The following AKAIN1 variants were observed in gnomAD, a reference collection of about 807,000 sequenced individuals.
AKAIN1 encodes A-kinase anchor inhibitor 1.
In AKAIN1, 3 loss-of-function variants were observed where a neutral mutation model predicts 3.7. The observed-to-expected ratio is 0.82, with a 90% confidence interval of 0.37 to 2.12. The LOEUF is 2.12. Ranked by LOEUF, AKAIN1 falls within the 30% of genes most tolerant of loss-of-function variation. The probability of loss-of-function intolerance (pLI) is 0.06; values close to 1 mark genes in which losing one functional copy is unlikely to be tolerated. For missense variants in AKAIN1, 82 were observed against 82.7 expected, an observed-to-expected ratio of 0.99 and a Z score of 0.03; for synonymous variants, 31 against 30.8, an observed-to-expected ratio of 1.01 and a Z score of -0.02.
chr18:5,196,027 A>T (rs1037440905), intron 1 of AKAIN1, among the ~76,000 whole-genome samples: 8 of 134,550 alleles, frequency 5.9e-5, no homozygotes, highest in African/African-American at 2.4e-4. Flanking sequence ...TCTTCCCTTT[A>T]AAAAAAAATG....
intron 1 of AKAIN1, among the ~76,000 whole-genome samples, chr18:5,151,667 A>G (rs1256850267): frequency 6.6e-6 from 1 of 152,236 alleles, no homozygotes; most frequent in Non-Finnish European, 1.5e-5. Context: ...GGGAATTAAG[A>G]GTCACCCCTG....
At chr18:5,162,673 G>A (rs1466980423) in intron 1 of AKAIN1, among the ~76,000 whole-genome samples, 1 of 150,456 alleles carries the variant, frequency 6.6e-6, no homozygotes, top group Non-Finnish European at 1.5e-5. Flanking sequence ...TGTAGCTGCT[G>A]GGCTGATTTC....
At chr18:5,164,047 T>C (rs2071154220) in intron 1 of AKAIN1, among the ~76,000 whole-genome samples, 1 of 152,064 alleles carries the variant, frequency 6.6e-6, no homozygotes, top group Non-Finnish European at 1.5e-5. Flanking sequence ...CATTACTCTT[T>C]TGAATATATA....
intron 1 of AKAIN1, among the ~76,000 whole-genome samples, chr18:5,177,673 T>TA (rs745337104): frequency 2.6e-5 from 4 of 152,138 alleles, no homozygotes; most frequent in Admixed American, 1.3e-4. Flanking sequence ...CTATAAATAA[T>TA]AAAAAATGCT....
chr18:5,177,065 G>T (rs452718), intron 1 of AKAIN1, among the ~76,000 whole-genome samples: 63,311 of 151,498 alleles, frequency 0.42, 13,745 homozygotes, highest in East Asian at 0.52. Flanking sequence ...TAGCCCAGTG[G>T]CAGTAGTGGG....
rs2071035217 is a variant in AKAIN1 at position 5,144,009 on chromosome 18, AC to A, written c.*1552del. On this transcript the variant is annotated 3_prime_UTR_variant, in exon 2 of 2. Transcript: ENST00000434239. ...ACATCAGTTATATGACTTTTGGTCG[AC>A]TTAAACTCACTCTTCACTTGGCATG... Among the ~76,000 whole-genome samples the A allele has an allele frequency of 6.6e-6, 1 of 152,224 alleles. No individual in the cohort carries two copies. Among genetic ancestry groups the A allele is most frequent in the Non-Finnish European group, 1.5e-5 (1 of 68,044 alleles).
At chr18:5,171,045 A>C (rs1020588918) in intron 1 of AKAIN1, 2 of 152,252 alleles carry the variant, frequency 1.3e-5, no homozygotes, top group African/African-American at 4.8e-5. Flanking sequence ...ATCCATGTCC[A>C]GCCCTGCCCT....
chr18:5,165,358 G>A (rs539974252), intron 1 of AKAIN1, among the ~76,000 whole-genome samples: 2 of 152,004 alleles, frequency 1.3e-5, no homozygotes, highest in East Asian at 3.9e-4. Flanking sequence ...AACTCCAAAG[G>A]GGGTAGGAGA....
intron 1 of AKAIN1, among the ~76,000 whole-genome samples, chr18:5,155,589 C>G (rs2071103393): frequency 6.6e-6 from 1 of 152,236 alleles, no homozygotes; most frequent in South Asian, 2.1e-4. Flanking sequence ...CTCTCCTTTC[C>G]AAATGTATGA....
chr18:5,145,778 G>A lies in AKAIN1; in HGVS notation c.17-23C>T, dbSNP rs528582877. On this transcript the variant is annotated intron_variant, in intron 1 of 1. Coordinates refer to ENST00000434239, the MANE Select transcript of AKAIN1 (RefSeq NM_001145194.2). ...CACCTAGCCAAAAACATGAAAAGGA[G>A]GGGAAAAGGAGAGAAATTAATTTCA... 7 of 1,539,414 alleles carry A rather than the reference G, an allele frequency of 4.5e-6. No individual in the cohort carries two copies. In the Admixed American group the frequency reaches 9.9e-5, roughly 22 times the overall value.
rs543100364 is a variant in AKAIN1, at chr18:5,143,561, C to A, written c.*2001G>T. On this transcript the variant is annotated 3_prime_UTR_variant, in exon 2 of 2. Coordinates refer to ENST00000434239, the MANE Select transcript of AKAIN1 (RefSeq NM_001145194.2). ...TGAAGGGCCCATTAAGGAAGCACTT[C>A]CCCTGGTCATGATATCTAGGGGTTT... is the stretch of plus-strand genomic sequence containing the variant. Among the ~76,000 whole-genome samples, 1 of 152,306 alleles carries A rather than the reference C, an allele frequency of 6.6e-6. No individual in the cohort carries two copies. Among genetic ancestry groups the A allele is most frequent in the East Asian group, 1.9e-4 (1 of 5,188 alleles).
chr18:5,177,459 G>A (rs2071232780), intron 1 of AKAIN1, among the ~76,000 whole-genome samples: 1 of 151,794 alleles, frequency 6.6e-6, no homozygotes, highest in Admixed American at 6.6e-5. Flanking sequence ...TTTAGGGGAT[G>A]AAGACATTTT....
intron 1 of AKAIN1, among the ~76,000 whole-genome samples, chr18:5,162,678 G>A (rs1214321340): frequency 6.6e-6 from 1 of 150,612 alleles, no homozygotes; most frequent in African/African-American, 2.4e-5. Flanking sequence ...CTGCTGGGCT[G>A]ATTTCAAAAG....
At chr18:5,176,552 T>G (rs1161378242) in intron 1 of AKAIN1, among the ~76,000 whole-genome samples, 2 of 152,160 alleles carry the variant, frequency 1.3e-5, no homozygotes, top group Non-Finnish European at 2.9e-5. Flanking sequence ...CACTGTAGGA[T>G]TCAAGTGTTA....
chr18:5,153,720 T>C (rs116477900), intron 1 of AKAIN1, among the ~76,000 whole-genome samples: 1 of 152,218 alleles, frequency 6.6e-6, no homozygotes, highest in Non-Finnish European at 1.5e-5. Flanking sequence ...GTATGATAGA[T>C]ACTATAATGA....
At chr18:5,156,823 C>T (rs1228217065) in intron 1 of AKAIN1, among the ~76,000 whole-genome samples, 1 of 152,100 alleles carries the variant, frequency 6.6e-6, no homozygotes, top group African/African-American at 2.4e-5. Context: ...TTAGAAGGAG[C>T]AATAAAAAGC....
Position 5,169,546 on chromosome 18 carries a change from G to A in AKAIN1, c.17-23791C>T, listed in dbSNP as rs1408454923. Among the ~76,000 whole-genome samples the A allele has an allele frequency of 3.9e-5, 6 of 151,978 alleles. No individual in the cohort carries two copies. In the East Asian group the frequency reaches 1.2e-3, roughly 29 times the overall value. On this transcript the variant is annotated intron_variant, in intron 1 of 1. Transcript: ENST00000434239. The stretch of plus-strand genomic sequence containing the variant: ...AGCTCCAAAAATCCAAGCACAATTG[G>A]CATAGGAGTTGAAATCTACTAGTTG...
rs1218309008 is a variant in AKAIN1 at position 5,145,786 on chromosome 18, G to A, written c.17-31C>T. ...CAAAAACATGAAAAGGAGGGGAAAA[G>A]GAGAGAAATTAATTTCAGGAATGTG... On this transcript the variant is annotated intron_variant, in intron 1 of 1. Transcript: ENST00000434239. 2.6e-6 allele frequency: 4 copies of A among 1,526,862 alleles called. No homozygotes were observed. The East Asian group carries it at 9.8e-5, about 38-fold the overall frequency. The allele number at this position is 1,526,862 out of a possible 1,614,324, so 94.6% of individuals were successfully genotyped here.
chr18:5,143,901 T>C lies in AKAIN1; in HGVS notation c.*1661A>G, dbSNP rs547353014. ...ACTTACAAACTACAAGCATTAGATT[T>C]ATTTATTTATTTTATTTGTGGCACT... On this transcript the variant is annotated 3_prime_UTR_variant, in exon 2 of 2. Coordinates refer to ENST00000434239, the MANE Select transcript of AKAIN1 (RefSeq NM_001145194.2). 6.6e-6 allele frequency among the ~76,000 whole-genome samples: 1 copy of C among 152,212 alleles called. No homozygotes were observed. The highest frequency in any genetic ancestry group is 1.5e-5 in the Non-Finnish European group (1 of 68,036).
Sources: gnomAD v4.1 joint callset for allele counts (sites outside exome capture counted in the v4.1 genomes callset) on GRCh38, gnomAD v4.1.1 for gene constraint, MANE v1.5 for transcripts, NCBI Gene and HGNC (gene_info 2026-07-23, HGNC 2026-07-21) for gene names.